Variants in ATP2C2 observed in about 807,000 individuals in gnomAD.
ATP2C2 encodes the protein calcium-transporting ATPase type 2C member 2.
Under a neutral mutation model 110.8 loss-of-function variants are expected in ATP2C2, and 171 were observed. That is an observed-to-expected ratio of 1.54 (90% CI 1.36 to 1.75). The LOEUF (loss-of-function observed/expected upper bound fraction) is 1.75. ATP2C2 is among the 40% of genes most tolerant of loss of function. The pLI is 0.00. For synonymous variants in ATP2C2, 804 were observed against 508.4 expected, an observed-to-expected ratio of 1.58 and a Z score of -7.82; for missense variants, 1,963 against 1,235.0, an observed-to-expected ratio of 1.59 and a Z score of -8.84.
rs78160790 is a variant in ATP2C2 at position 84,425,621 on chromosome 16, C to T, written c.920-114C>T. The T allele has an allele frequency of 2.6e-3, 2,993 of 1,156,894 alleles. 51 individuals are homozygous for T. In the African/African-American group the frequency reaches 0.041, roughly 16 times the overall value. 71.7% of individuals were successfully genotyped at this position (1,156,894 alleles called of 1,614,324 possible). A position where few individuals can be genotyped will look rare whatever the true frequency, so the allele number is the denominator to read the frequency against. ...GTTGAAAGTGGTTGAGGTTATCAGG[C>T]GTTCCTCTGTGCATGCATTCCTGTA... On this transcript the variant is annotated intron_variant, in intron 10 of 26. Transcript: ENST00000262429.
intron 1 of ATP2C2, among the ~76,000 whole-genome samples, chr16:84,390,974 C>A (rs528842172): frequency 6.6e-6 from 1 of 151,910 alleles, no homozygotes; most frequent in South Asian, 2.1e-4. Flanking sequence ...ATTAGCCCGG[C>A]GTGGTGGTGG....
At position 84,396,134 on chromosome 16, in the gene ATP2C2, A is replaced by C. The variant is rs193037724; in HGVS notation, c.100-2365A>C. On this transcript the variant is annotated intron_variant, in intron 1 of 26. Transcript: ENST00000262429. ...CTTCAAGGTTCATCCATGTTGTAGCATGTGTGGGTTTTGGGCAGTCACATT... is the reference window on the plus strand; with the variant it reads ...CTTCAAGGTTCATCCATGTTGTAGCCTGTGTGGGTTTTGGGCAGTCACATT... Among the ~76,000 whole-genome samples the C allele has an allele frequency of 8.1e-3, 1,225 of 152,154 alleles. 70 individuals are homozygous for C. Among genetic ancestry groups the C allele is most frequent in the Admixed American group, 0.074 (1,123 of 15,274 alleles).
At chr16:84,369,613 T>C (rs1303418963) in intron 1 of ATP2C2, among the ~76,000 whole-genome samples, 1 of 152,072 alleles carries the variant, frequency 6.6e-6, no homozygotes, top group Non-Finnish European at 1.5e-5. Context: ...TTTTGACCAG[T>C]GAAAGGAAAC....
chr16:84,434,349 G>A (rs1908555095), intron 11 of ATP2C2, among the ~76,000 whole-genome samples: 1 of 151,628 alleles, frequency 6.6e-6, no homozygotes, highest in African/African-American at 2.4e-5. Context: ...CCTGGAGGCG[G>A]AGGTTGCGGT....
At chr16:84,403,609 T>A (rs1905491630) in intron 2 of ATP2C2, among the ~76,000 whole-genome samples, 2 of 152,172 alleles carry the variant, frequency 1.3e-5, no homozygotes, top group Admixed American at 6.5e-5. Context: ...TGCCTGGCCT[T>A]AACCATTTTG....
Position 84,463,701 on chromosome 16 carries a change from A to G in ATP2C2, c.2810A>G (p.Lys937Arg). The change falls in exon 27 of 27, where the codon AAG (lysine) becomes AGG (arginine). Residue 937 changes from lysine to arginine, a missense_variant. Transcript: ENST00000262429. Reference protein sequence around the residue: ...KLCEKYCCSPKRVQMHPEDV With the variant: ...KLCEKYCCSPRRVQMHPEDV ...TGTGAAAAATACTGTTGCAGCCCCA[A>G]GAGAGTCCAGATGCACCCTGAAGAT... The G allele has an allele frequency of 6.2e-7, 1 of 1,614,104 alleles. No individual in the cohort carries two copies. Among genetic ancestry groups the G allele is most frequent in the Non-Finnish European group, 8.5e-7 (1 of 1,179,956 alleles).
Position 84,425,076 on chromosome 16 carries a change from C to A in ATP2C2, c.920-659C>A, listed in dbSNP as rs567998689. ...CTAACAGATACTGTGGCAGCTGCCC[C>A]CCTCAATACATACACACACACACCC... On this transcript the variant is annotated intron_variant, in intron 10 of 26. Coordinates refer to ENST00000262429, the MANE Select transcript of ATP2C2 (RefSeq NM_014861.4). Among the ~76,000 whole-genome samples the A allele has an allele frequency of 1.1e-3, 165 of 152,206 alleles. 1 individual carries two copies. Among genetic ancestry groups the A allele is most frequent in the African/African-American group, 3.9e-3 (160 of 41,516 alleles).
rs546983862 is a variant in ATP2C2 at position 84,461,734 on chromosome 16, C to G, written c.2502C>G (p.Ser834Arg). The part of the protein sequence containing the change: ...FWKEMPEDRA[S>R]TPRTTTMTFT... ...TCCAGATGCCTGAAGACAGAGCAAG[C>G]ACTCCCCGCACCACGACGATGACGT... Residue 834 changes from serine (S) to arginine (R), a missense_variant, in exon 25 of 27, where the codon AGC becomes AGG. By Grantham distance (110) the Ser-to-Arg change is moderately radical. Transcript: ENST00000262429. 2.6e-5 allele frequency: 42 copies of G among 1,614,162 alleles called. No individual in the cohort carries two copies. In the South Asian group the frequency reaches 4.6e-4, roughly 18 times the overall value.
chr16:84,422,688 G>T lies in ATP2C2; in HGVS notation c.834G>T (p.Gln278His). The change falls in exon 9 of 27, where the codon CAG becomes CAT. Residue 278 changes from glutamine (Q) to histidine (H), a missense_variant. Transcript: ENST00000262429. ...TCGGAGAAGTGTTTAAGATGATGCA[G>T]GCTGAAGAGGTAAGGGGCAGGAGGG... ...SQFGEVFKMMQAEETPKTPLQ... is the reference protein window; with the variant it reads ...SQFGEVFKMMHAEETPKTPLQ... The T allele has an allele frequency of 6.2e-7, 1 of 1,612,432 alleles. No homozygotes were observed. The highest frequency in any genetic ancestry group is 8.5e-7 in the Non-Finnish European group (1 of 1,179,418).
chr16:84,419,078 G>T (rs183752270), intron 7 of ATP2C2, among the ~76,000 whole-genome samples: 38 of 151,812 alleles, frequency 2.5e-4, no homozygotes, highest in African/African-American at 9.2e-4. Context: ...GCGTGGTGGC[G>T]TGCACCTGTA....
chr16:84,414,608 C>A (rs972083304), intron 6 of ATP2C2, among the ~76,000 whole-genome samples: 12 of 152,334 alleles, frequency 7.9e-5, no homozygotes, highest in African/African-American at 2.9e-4. Flanking sequence ...CTTAGCCAGG[C>A]ATGACCCACT....
Position 84,449,765 on chromosome 16 carries a change from T to C in ATP2C2, c.1660+1076T>C, listed in dbSNP as rs951858548. Among the ~76,000 whole-genome samples the C allele has an allele frequency of 1.8e-4, 27 of 152,340 alleles. 1 individual carries two copies. Among genetic ancestry groups the C allele is most frequent in the Admixed American group, 6.5e-4 (10 of 15,304 alleles). On this transcript the variant is annotated intron_variant, in intron 17 of 26. Transcript: ENST00000262429. The stretch of plus-strand genomic sequence containing the variant: ...ACGTGGGTGGCAGCTGCTTTTGTCA[T>C]GGTTGATACGACCAAGCCATTCAGT...
chr16:84,386,922 G>T (rs80217281), intron 1 of ATP2C2, among the ~76,000 whole-genome samples: 1 of 69,098 alleles, frequency 1.4e-5, no homozygotes, highest in Non-Finnish European at 3.3e-5. Flanking sequence ...TTGTTTGTTT[G>T]TTTTGGTCCC....
At chr16:84,443,335 C>T (rs1046655923) in intron 15 of ATP2C2, among the ~76,000 whole-genome samples, 3 of 152,196 alleles carry the variant, frequency 2.0e-5, no homozygotes, top group African/African-American at 7.2e-5. Context: ...TCCTCTTCAG[C>T]CAGAGCTGGG....
chr16:84,430,207 C>T (rs1908142028), intron 11 of ATP2C2, among the ~76,000 whole-genome samples: 2 of 152,094 alleles, frequency 1.3e-5, no homozygotes, highest in South Asian at 2.1e-4. Flanking sequence ...GCAGCAGGCA[C>T]TGGGCTGCCG....
chr16:84,369,343 C>T (rs746428353), intron 1 of ATP2C2, among the ~76,000 whole-genome samples: 2 of 152,194 alleles, frequency 1.3e-5, no homozygotes, highest in Non-Finnish European at 1.5e-5. Context: ...AAAGCCCCTC[C>T]TGTTCCTTGG....
At chr16:84,419,718 T>G in intron 7 of ATP2C2, among the ~76,000 whole-genome samples, 1 of 152,104 alleles carries the variant, frequency 6.6e-6, no homozygotes, top group East Asian at 1.9e-4. Context: ...GAGCACCTAC[T>G]ACGTATGAGG....
intron 2 of ATP2C2, among the ~76,000 whole-genome samples, chr16:84,404,218 A>G (rs1905550798): frequency 1.3e-5 from 2 of 152,212 alleles, no homozygotes; most frequent in Admixed American, 1.3e-4. Context: ...CCCCCAGATT[A>G]TAGGGTGGGA....
chr16:84,442,425 G>GT (rs2150570346), intron 14 of ATP2C2, 85 bp from the exon 15 acceptor site: 1 of 1,293,536 alleles, frequency 7.7e-7, no homozygotes, highest in East Asian at 2.4e-5. Context: ...CACAACCCCA[G>GT]CTGTAAAAAT....
Sources: gnomAD v4.1 joint callset for allele counts (sites outside exome capture counted in the v4.1 genomes callset) on GRCh38, gnomAD v4.1.1 for gene constraint, MANE v1.5 for transcripts, NCBI Gene and HGNC (gene_info 2026-07-23, HGNC 2026-07-21) for gene names.